The following SMYD3 variants were observed in gnomAD, a reference collection of about 807,000 sequenced individuals.
The protein encoded by SMYD3 is histone-lysine N-methyltransferase SMYD3.
SMYD3 carries 36 observed loss-of-function variants against 57.7 expected under a neutral mutation model. That is an observed-to-expected ratio of 0.62 (90% CI 0.48 to 0.82). The LOEUF is 0.82. Ranked by LOEUF, SMYD3 falls within the 40% of genes least tolerant of loss-of-function variation. The pLI, the probability that SMYD3 is intolerant of heterozygous loss-of-function variation, is 0.00. For synonymous variants in SMYD3, 211 were observed against 195.0 expected (o/e 1.08, Z -0.68); for missense variants, 515 against 538.8 (o/e 0.96, Z 0.44).
chr1:246,453,421 C>T (rs1558471972), intron 1 of SMYD3, among the ~76,000 whole-genome samples: 1 of 152,164 alleles, frequency 6.6e-6, no homozygotes, highest in East Asian at 1.9e-4. Flanking sequence ...TCACATAAAA[C>T]TACGATGCTT....
At chr1:246,140,585 C>T (rs150237734) in intron 5 of SMYD3, among the ~76,000 whole-genome samples, 66 of 152,208 alleles carry the variant, frequency 4.3e-4, no homozygotes, top group African/African-American at 1.4e-3. Context: ...CTTTTTATCC[C>T]GCCCATTTGG....
chr1:246,083,592 C>T (rs561502866), intron 5 of SMYD3, among the ~76,000 whole-genome samples: 16 of 152,224 alleles, frequency 1.1e-4, no homozygotes, highest in African/African-American at 2.9e-4. Context: ...TCGTTCCACC[C>T]AACAAGAAAC....
At chr1:246,393,164 G>T (rs2066600395) in intron 1 of SMYD3, among the ~76,000 whole-genome samples, 1 of 152,066 alleles carries the variant, frequency 6.6e-6, no homozygotes, top group Admixed American at 6.6e-5. Flanking sequence ...TCTAAAATAG[G>T]TAATGGCTAA....
At chr1:246,239,461 C>T (rs376608282) in intron 5 of SMYD3, among the ~76,000 whole-genome samples, 22 of 152,196 alleles carry the variant, frequency 1.4e-4, no homozygotes, top group East Asian at 1.2e-3. Context: ...TATTCCATGG[C>T]GTATATGTGC....
intron 5 of SMYD3, among the ~76,000 whole-genome samples, chr1:245,961,115 T>C (rs1012610189): frequency 1.3e-5 from 2 of 152,180 alleles, no homozygotes; most frequent in South Asian, 2.1e-4. Flanking sequence ...TGAGAAAGAA[T>C]TGAAAACAAT....
chr1:246,372,737 T>C (rs1287925185), intron 1 of SMYD3, among the ~76,000 whole-genome samples: 3 of 152,290 alleles, frequency 2.0e-5, no homozygotes, highest in Non-Finnish European at 4.4e-5. Flanking sequence ...ACGCCCGTAA[T>C]CCAAGGACTT....
intron 3 of SMYD3, among the ~76,000 whole-genome samples, chr1:246,331,914 T>C (rs1368318470): frequency 6.6e-6 from 1 of 152,198 alleles, no homozygotes; most frequent in Admixed American, 6.5e-5. Context: ...ACCATCCCCA[T>C]ATAAGACCAC....
chr1:245,910,252 T>C (rs1014770692), intron 8 of SMYD3, among the ~76,000 whole-genome samples: 11 of 152,004 alleles, frequency 7.2e-5, no homozygotes, highest in Non-Finnish European at 1.3e-4. Context: ...TTAATAAAAG[T>C]GAGATCTCTA....
chr1:246,178,914 C>A, intron 5 of SMYD3: 1 of 152,462 alleles, frequency 6.6e-6, no homozygotes, highest in South Asian at 2.1e-4. Context: ...TTGATACTGC[C>A]AAATGAACAC....
intron 5 of SMYD3, among the ~76,000 whole-genome samples, chr1:246,166,094 C>G (rs1274708863): frequency 6.6e-6 from 1 of 151,028 alleles, no homozygotes; most frequent in African/African-American, 2.4e-5. Context: ...GTTCCCCTCC[C>G]TTTTTTAAAA....
At chr1:245,933,796 G>A (rs1199871458) in intron 5 of SMYD3, among the ~76,000 whole-genome samples, 2 of 152,140 alleles carry the variant, frequency 1.3e-5, no homozygotes, top group East Asian at 3.9e-4. Context: ...TGTAGCAGCA[G>A]TTAAACTGAG....
intron 4 of SMYD3, among the ~76,000 whole-genome samples, chr1:246,327,601 C>T (rs921294454): frequency 6.6e-6 from 1 of 152,066 alleles, no homozygotes; most frequent in African/African-American, 2.4e-5. Context: ...GCATTAAAAC[C>T]AAAATCACTG....
chr1:246,438,326 T>C (rs2067411031), intron 1 of SMYD3, among the ~76,000 whole-genome samples: 1 of 152,224 alleles, frequency 6.6e-6, no homozygotes, highest in Non-Finnish European at 1.5e-5. Flanking sequence ...CCTGCAAATA[T>C]ATCGTATGAT....
intron 8 of SMYD3, among the ~76,000 whole-genome samples, chr1:245,879,574 C>A (rs997974850): frequency 6.6e-6 from 1 of 152,304 alleles, no homozygotes; most frequent in East Asian, 1.9e-4. Flanking sequence ...CTACTCAATT[C>A]TTAGGGTTTT....
intron 11 of SMYD3, among the ~76,000 whole-genome samples, chr1:245,757,119 C>T (rs1276035207): frequency 1.3e-5 from 2 of 151,942 alleles, no homozygotes; most frequent in African/African-American, 2.4e-5. Flanking sequence ...AAACTGTGTA[C>T]CCATTAAACA....
At chr1:246,354,004 T>C (rs1457065577) in intron 2 of SMYD3, among the ~76,000 whole-genome samples, 2 of 152,022 alleles carry the variant, frequency 1.3e-5, no homozygotes, top group Non-Finnish European at 2.9e-5. Flanking sequence ...TTGTGTCGTC[T>C]CAAATTACTT....
intron 5 of SMYD3, among the ~76,000 whole-genome samples, chr1:245,932,890 G>A (rs2056805275): frequency 1.3e-5 from 2 of 152,162 alleles, no homozygotes; most frequent in South Asian, 4.1e-4. Context: ...AGTGTTACGT[G>A]TTAGTCTTTC....
intron 5 of SMYD3, among the ~76,000 whole-genome samples, chr1:246,184,486 T>C (rs185840827): frequency 6.6e-6 from 1 of 152,328 alleles, no homozygotes; most frequent in Admixed American, 6.5e-5. Context: ...CCTCAATCTG[T>C]ACCTCAGATG....
Position 245,886,819 on chromosome 1 carries a change from C to T in SMYD3, c.814-22933G>A, listed in dbSNP as rs181355997. ...GGCTATTGCGGGTCGAAAGGCCAACCTCACTGTTCTAACAATGACTTCCCA... is the reference window on the plus strand; with the variant it reads ...GGCTATTGCGGGTCGAAAGGCCAACTTCACTGTTCTAACAATGACTTCCCA... On this transcript the variant is annotated intron_variant, in intron 8 of 11. Coordinates refer to ENST00000490107, the MANE Select transcript of SMYD3 (RefSeq NM_001167740.2). Among the ~76,000 whole-genome samples, 526 of 152,300 alleles carry T rather than the reference C, an allele frequency of 3.5e-3. 6 individuals are homozygous for T. In the East Asian group the frequency reaches 0.047, roughly 14 times the overall value.
Sources: gnomAD v4.1 joint callset for allele counts (sites outside exome capture counted in the v4.1 genomes callset) on GRCh38, gnomAD v4.1.1 for gene constraint, MANE v1.5 for transcripts, NCBI Gene and HGNC (gene_info 2026-07-23, HGNC 2026-07-21) for gene names.